The following ZNF516 variants were observed in gnomAD, a reference collection of about 807,000 sequenced individuals.
The protein encoded by ZNF516 is zinc finger protein 516.
Under a neutral mutation model 79.7 loss-of-function variants are expected in ZNF516, and 19 were observed. The ratio of observed to expected loss-of-function variants is 0.24; its 90% CI spans 0.17 to 0.35. The LOEUF is 0.35. Ranked by LOEUF, ZNF516 falls within the 10% of genes least tolerant of loss-of-function variation. The pLI, the probability that ZNF516 is intolerant of heterozygous loss-of-function variation, is 1.00. For synonymous variants in ZNF516, 877 were observed against 739.5 expected, an observed-to-expected ratio of 1.19 and a Z score of -3.02; for missense variants, 1,678 against 1,679.5, an observed-to-expected ratio of 1.00 and a Z score of 0.02.
chr18:76,379,264 C>T lies in ZNF516; in HGVS notation c.2850G>A (p.Val950=), dbSNP rs1214252851. ...GAQPSANSKP[V]EKFGVPPAGA... Reference sequence around the variant, plus strand: ...CCGCTGGGGGGACCCCAAACTTCTCCACAGGCTTGCTATTGGCCGAGGGCT... The same window carrying T: ...CCGCTGGGGGGACCCCAAACTTCTCTACAGGCTTGCTATTGGCCGAGGGCT... The change falls in exon 4 of 7, where the codon GTG becomes GTA. Residue 950 remains valine (V), a synonymous_variant. Transcript: ENST00000443185. 1.2e-6 allele frequency: 2 copies of T among 1,612,482 alleles called. No individual in the cohort carries two copies. The highest frequency in any genetic ancestry group is 1.7e-6 in the Non-Finnish European group (2 of 1,179,584).
chr18:76,378,964 C>T lies in ZNF516; in HGVS notation c.3150G>A (p.Gly1050=), dbSNP rs761039153. The part of the protein sequence containing the change: ...HSIKQEPVAE[G]HEKRLDILNI... The stretch of plus-strand genomic sequence containing the variant: ...TGAGGATGTCCAGGCGCTTCTCATG[C>T]CCCTCGGCCACCGGCTCCTGTTTGA... The change falls in exon 4 of 7, where the codon GGG becomes GGA. Residue 1050 remains glycine, a synonymous_variant. Coordinates refer to ENST00000443185, the MANE Select transcript of ZNF516 (RefSeq NM_014643.4). 1.9e-6 allele frequency: 3 copies of T among 1,613,638 alleles called. No individual in the cohort carries two copies. Among genetic ancestry groups the T allele is most frequent in the African/African-American group, 1.3e-5 (1 of 74,928 alleles).
chr18:76,476,752 G>C (rs1876878245), intron 1 of ZNF516, among the ~76,000 whole-genome samples: 1 of 152,190 alleles, frequency 6.6e-6, no homozygotes, highest in African/African-American at 2.4e-5. Context: ...TTCATTTATT[G>C]TAATACTGAG....
intron 1 of ZNF516, among the ~76,000 whole-genome samples, chr18:76,472,825 A>G (rs1322778114): frequency 6.7e-6 from 1 of 149,410 alleles, no homozygotes; most frequent in Non-Finnish European, 1.5e-5. Flanking sequence ...TTACATCCAA[A>G]TAACTGTGAT....
rs567117036 is a variant in ZNF516 at position 76,440,168 on chromosome 18, C to G, written c.1810+1077G>C. ...CTTGCCTTCTACATCTTTGTTGACTCAATATGCATTTCAGTGTAACAGACC... is the reference window on the plus strand; with the variant it reads ...CTTGCCTTCTACATCTTTGTTGACTGAATATGCATTTCAGTGTAACAGACC... On this transcript the variant is annotated intron_variant, in intron 3 of 6. Transcript: ENST00000443185. Among the ~76,000 whole-genome samples the G allele has an allele frequency of 2.0e-5, 3 of 152,202 alleles. No individual in the cohort carries two copies. In the East Asian group the frequency reaches 5.8e-4, roughly 29 times the overall value.
chr18:76,392,515 G>T (rs2075088278), intron 3 of ZNF516, among the ~76,000 whole-genome samples: 1 of 150,084 alleles, frequency 6.7e-6, no homozygotes, highest in Admixed American at 6.7e-5. Flanking sequence ...TGGGAAGGTA[G>T]GTGGCCAGGT....
At chr18:76,381,174 G>A (rs1302098149) in intron 3 of ZNF516, among the ~76,000 whole-genome samples, 1 of 152,194 alleles carries the variant, frequency 6.6e-6, no homozygotes, top group Non-Finnish European at 1.5e-5. Context: ...CACAGCCGAG[G>A]TGTGGGCTGT....
intron 3 of ZNF516, among the ~76,000 whole-genome samples, chr18:76,430,851 A>C (rs990351592): frequency 6.6e-6 from 1 of 152,224 alleles, no homozygotes; most frequent in Non-Finnish European, 1.5e-5. Flanking sequence ...ATGTCTTACT[A>C]ATCTGTGAAA....
chr18:76,466,154 G>A (rs1258906924), intron 1 of ZNF516, among the ~76,000 whole-genome samples: 2 of 152,186 alleles, frequency 1.3e-5, no homozygotes, highest in Non-Finnish European at 2.9e-5. Context: ...TCCCTTAGGA[G>A]TGACGTTAAT....
chr18:76,479,152 C>A (rs984486893), intron 1 of ZNF516, among the ~76,000 whole-genome samples: 1 of 152,136 alleles, frequency 6.6e-6, no homozygotes, highest in African/African-American at 2.4e-5. Flanking sequence ...AGTCTGTCCA[C>A]CAAGTCCATT....
intron 1 of ZNF516, chr18:76,488,203 T>C: frequency 1.0e-6 from 1 of 985,396 alleles, no homozygotes; most frequent in Non-Finnish European, 1.2e-6. Context: ...CTAAATGAGA[T>C]GCAGCTCCCA....
At chr18:76,463,342 C>A (rs1913241522) in intron 1 of ZNF516, among the ~76,000 whole-genome samples, 1 of 152,226 alleles carries the variant, frequency 6.6e-6, no homozygotes, top group African/African-American at 2.4e-5. Flanking sequence ...CTTCCCACAT[C>A]TGTGAGGGGC....
intron 6 of ZNF516, among the ~76,000 whole-genome samples, chr18:76,368,465 T>C (rs1382377744): frequency 6.6e-6 from 1 of 151,346 alleles, no homozygotes; most frequent in Non-Finnish European, 1.5e-5. Flanking sequence ...CGCATACAAA[T>C]CTAGCTCAGT....
intron 2 of ZNF516, among the ~76,000 whole-genome samples, chr18:76,455,940 A>G (rs1912696517): frequency 6.6e-6 from 1 of 152,172 alleles, no homozygotes; most frequent in African/African-American, 2.4e-5. Flanking sequence ...TCTTTAATAA[A>G]CACAATTGAC....
intron 3 of ZNF516, among the ~76,000 whole-genome samples, chr18:76,406,067 G>A (rs569310165): frequency 9.9e-5 from 15 of 152,274 alleles, no homozygotes; most frequent in African/African-American, 2.9e-4. Flanking sequence ...GACAGCGCAC[G>A]CAGGTGAGGG....
chr18:76,437,989 G>A (rs1485065846), intron 3 of ZNF516, among the ~76,000 whole-genome samples: 3 of 152,198 alleles, frequency 2.0e-5, no homozygotes, highest in Non-Finnish European at 4.4e-5. Context: ...CAACAGGATG[G>A]AGTATGGATT....
intron 3 of ZNF516, among the ~76,000 whole-genome samples, chr18:76,434,590 A>G (rs1221246022): frequency 1.3e-5 from 2 of 152,352 alleles, no homozygotes; most frequent in East Asian, 1.9e-4. Context: ...CACACCCCAC[A>G]GGACTTCTGC....
chr18:76,365,043 TA>T (rs541649053), intron 6 of ZNF516, among the ~76,000 whole-genome samples: 133 of 152,354 alleles, frequency 8.7e-4, no homozygotes, highest in Admixed American at 8.4e-3. Flanking sequence ...CTGAAAGTGA[TA>T]CTGAAAATAG....
chr18:76,425,221 T>C (rs2075578258), intron 3 of ZNF516, among the ~76,000 whole-genome samples: 1 of 151,978 alleles, frequency 6.6e-6, no homozygotes, highest in Non-Finnish European at 1.5e-5. Context: ...AGTGGAGGCA[T>C]GGGAAGAGCC....
chr18:76,423,510 T>C (rs1199740732), intron 3 of ZNF516, among the ~76,000 whole-genome samples: 3 of 135,232 alleles, frequency 2.2e-5, no homozygotes, highest in East Asian at 2.3e-4. Context: ...AGTGAAAAGG[T>C]TCCCCCGAAA....
Sources: gnomAD v4.1 joint callset for allele counts (sites outside exome capture counted in the v4.1 genomes callset) on GRCh38, gnomAD v4.1.1 for gene constraint, MANE v1.5 for transcripts, NCBI Gene and HGNC (gene_info 2026-07-23, HGNC 2026-07-21) for gene names.